The following CECR2 variants were observed in gnomAD, a reference collection of about 807,000 sequenced individuals.
CECR2 encodes the protein CECR2 histone acetyl-lysine reader.
Under a neutral mutation model 154.5 loss-of-function variants are expected in CECR2, and 30 were observed. That is an observed-to-expected ratio of 0.19 (90% confidence interval 0.15 to 0.26). CECR2 has a LOEUF of 0.26. CECR2 is among the 10% of genes least tolerant of loss of function. The pLI is 1.00. For synonymous variants in CECR2, 725 were observed against 683.7 expected (o/e 1.06, Z -0.94); for missense variants, 1,743 against 1,829.3 (o/e 0.95, Z 0.86).
chr22:17,490,756 G>A (rs1312308539), intron 2 of CECR2, among the ~76,000 whole-genome samples: 1 of 151,912 alleles, frequency 6.6e-6, no homozygotes, highest in Non-Finnish European at 1.5e-5. Flanking sequence ...GCCTCCTTGT[G>A]TTTTTTTAAA....
chr22:17,425,828 G>T (rs1180940477), intron 1 of CECR2, among the ~76,000 whole-genome samples: 2 of 152,110 alleles, frequency 1.3e-5, no homozygotes, highest in South Asian at 4.1e-4. Flanking sequence ...ATGGTGGTGA[G>T]AATAAAGAAT....
chr22:17,427,211 C>T (rs1031693149), intron 1 of CECR2, among the ~76,000 whole-genome samples: 5 of 152,038 alleles, frequency 3.3e-5, no homozygotes, highest in Admixed American at 3.3e-4. Flanking sequence ...TTAATGGCTG[C>T]ATATTATTCC....
chr22:17,421,808 T>A (rs920510900), intron 1 of CECR2, among the ~76,000 whole-genome samples: 2 of 150,364 alleles, frequency 1.3e-5, no homozygotes, highest in African/African-American at 4.9e-5. Context: ...GGGTGTTCCC[T>A]TCCCTTGGGT....
chr22:17,511,411 C>G (rs1462281243), intron 7 of CECR2, among the ~76,000 whole-genome samples: 1 of 152,158 alleles, frequency 6.6e-6, no homozygotes, highest in Admixed American at 6.6e-5. Context: ...ACTGTGCTGC[C>G]TTTGCCCGGC....
In CECR2 at chr22:17,446,142, A is replaced by C. The variant is rs541530985; in HGVS notation, c.127-31446A>C. Reference sequence around the variant, plus strand: ...AGATGAATCAAAATAGCCATTAAAAAAAACTCAGGAGGTGCTTTCTGTGCA... The same window carrying C: ...AGATGAATCAAAATAGCCATTAAAACAAACTCAGGAGGTGCTTTCTGTGCA... On this transcript the variant is annotated intron_variant, in intron 1 of 18. Coordinates refer to ENST00000262608, the MANE Select transcript of CECR2 (RefSeq NM_001290047.2). 5.9e-5 allele frequency among the ~76,000 whole-genome samples: 9 copies of C among 152,334 alleles called. No homozygotes were observed. The East Asian group carries it at 1.7e-3, about 29-fold the overall frequency.
At chr22:17,546,672 T>A (rs1424000177) in intron 16 of CECR2, among the ~76,000 whole-genome samples, 1 of 152,110 alleles carries the variant, frequency 6.6e-6, no homozygotes, top group Admixed American at 6.5e-5. Context: ...ATCTCTAACC[T>A]TGTGCTTCAG....
rs2053789535 is a variant in CECR2 at position 17,395,214 on chromosome 22, G to A, written c.126+25305G>A. Among the ~76,000 whole-genome samples, 3 of 152,024 alleles carry A rather than the reference G, an allele frequency of 2.0e-5. 1 individual carries two copies. In the South Asian group the frequency reaches 6.2e-4, roughly 32 times the overall value. On this transcript the variant is annotated intron_variant, in intron 1 of 18. Transcript: ENST00000262608. Reference sequence around the variant, plus strand: ...TCCATAGAATCTCTTTTTTGGCAGAGACGAGGTCTCACTCTATTTCCCAGG... The same window carrying A: ...TCCATAGAATCTCTTTTTTGGCAGAAACGAGGTCTCACTCTATTTCCCAGG...
At chr22:17,476,126 G>C (rs962425460) in intron 1 of CECR2, among the ~76,000 whole-genome samples, 1 of 149,732 alleles carries the variant, frequency 6.7e-6, no homozygotes, top group Non-Finnish European at 1.5e-5. Flanking sequence ...TCCTGCACCT[G>C]GTCATGCCCT....
intron 2 of CECR2, among the ~76,000 whole-genome samples, chr22:17,495,587 G>T (rs1464591669): frequency 6.7e-6 from 1 of 149,626 alleles, no homozygotes; most frequent in East Asian, 2.0e-4. Context: ...AAAAAAACGG[G>T]TGTGGTGGCT....
intron 16 of CECR2, among the ~76,000 whole-genome samples, chr22:17,543,598 T>C (rs1284331857): frequency 6.6e-6 from 1 of 150,438 alleles, no homozygotes; most frequent in Non-Finnish European, 1.5e-5. Flanking sequence ...GTCCCACTCT[T>C]GCCCAGGCTG....
chr22:17,505,534 CT>C (rs11387639), intron 7 of CECR2, among the ~76,000 whole-genome samples: 1,545 of 98,752 alleles, frequency 0.016, 8 homozygotes, highest in African/African-American at 0.041. Flanking sequence ...CCTCTTTTTC[CT>C]TTTTTTTTTT....
At chr22:17,418,658 A>C in intron 1 of CECR2, 2 of 296,902 alleles carry the variant, frequency 6.7e-6, no homozygotes, top group Non-Finnish European at 1.2e-5. Context: ...TGTGCCAGAC[A>C]CTCGCGAGGG....
Position 17,549,523 on chromosome 22 carries a change from T to G in CECR2, c.4236T>G (p.Ser1412Arg). Residue 1412 changes from serine to arginine, a missense_variant, in exon 17 of 19, where the codon AGT (serine) becomes AGG (arginine). Physicochemically the swap from Ser to Arg is moderately radical, Grantham distance 110. Coordinates refer to ENST00000262608, the MANE Select transcript of CECR2 (RefSeq NM_001290047.2). Reference sequence around the variant, plus strand: ...TGATGGAACAAATTGGCACTAGAAGTGGAATAAGAGGACCTTTCCAGGAAA... The same window carrying G: ...TGATGGAACAAATTGGCACTAGAAGGGGAATAAGAGGACCTTTCCAGGAAA... ...AVMMEQIGTR[S>R]GIRGPFQEMY... 6.2e-7 allele frequency: 1 copy of G among 1,604,420 alleles called. No individual in the cohort carries two copies. Among genetic ancestry groups the G allele is most frequent in the Non-Finnish European group, 8.5e-7 (1 of 1,175,680 alleles).
Position 17,548,463 on chromosome 22 carries a change from G to T in CECR2, c.3176G>T (p.Gly1059Val), listed in dbSNP as rs2056650298. 1 of 1,613,880 alleles carries T rather than the reference G, an allele frequency of 6.2e-7. No homozygotes were observed. The highest frequency in any genetic ancestry group is 1.3e-5 in the African/African-American group (1 of 74,926). ...GCTCTATCCGAGAACGGAGTCATTG[G>T]GGAAGCATCTCCTTGTGGATCGGAG... ...RGALSENGVIGEASPCGSEGK... is the reference protein window; with the variant it reads ...RGALSENGVIVEASPCGSEGK... Residue 1059 changes from glycine to valine, a missense_variant, in exon 17 of 19, where the codon GGG (glycine) becomes GTG (valine). This residue lies in a region of CECR2 where 1,250 missense variants were observed against 1,192.1 expected (regional missense o/e 1.05). Transcript: ENST00000262608.
At chr22:17,418,404 C>G (rs539896016) in intron 1 of CECR2, among the ~76,000 whole-genome samples, 1 of 152,330 alleles carries the variant, frequency 6.6e-6, no homozygotes, top group Non-Finnish European at 1.5e-5. Flanking sequence ...TGAGCTGTGT[C>G]TGTCTTTGCC....
chr22:17,406,727 G>T (rs2053990584), intron 1 of CECR2, among the ~76,000 whole-genome samples: 3 of 152,160 alleles, frequency 2.0e-5, no homozygotes, highest in Admixed American at 2.0e-4. Context: ...CTGAAGAGCT[G>T]TCTCCTGATT....
chr22:17,503,196 G>A (rs991282684), intron 6 of CECR2, 65 bp downstream of exon 6: 2 of 1,459,506 alleles, frequency 1.4e-6, no homozygotes, highest in Middle Eastern at 1.9e-4. Context: ...CTAGGGTGTT[G>A]ACTCTTTTTC....
At chr22:17,452,087 T>A (rs1333947172) in intron 1 of CECR2, among the ~76,000 whole-genome samples, 1 of 152,200 alleles carries the variant, frequency 6.6e-6, no homozygotes, top group African/African-American at 2.4e-5. Flanking sequence ...ATTTATTTAT[T>A]TTTGAGACAG....
intron 1 of CECR2, among the ~76,000 whole-genome samples, chr22:17,455,324 A>G (rs905780787): frequency 2.6e-5 from 4 of 152,202 alleles, no homozygotes; most frequent in Admixed American, 6.5e-5. Context: ...TTTGCTTCTA[A>G]GAGAAGTTAC....
Sources: gnomAD v4.1 joint callset for allele counts (sites outside exome capture counted in the v4.1 genomes callset) on GRCh38, gnomAD v4.1.1 for gene constraint, gnomAD v4.1.1 regional missense constraint, MANE v1.5 for transcripts, NCBI Gene and HGNC (gene_info 2026-07-23, HGNC 2026-07-21) for gene names.